Variants in XPR1 observed in about 807,000 individuals in gnomAD.
The protein encoded by XPR1 is xenotropic and polytropic retrovirus receptor 1, also known as solute carrier family 53 member 1.
In XPR1, 28 loss-of-function variants were observed where a neutral mutation model predicts 87.5. The observed-to-expected ratio is 0.32, with a 90% CI of 0.24 to 0.44. The LOEUF is 0.44. Among genes scored for constraint, XPR1 ranks in the 20% least tolerant of loss-of-function variants. XPR1 has a pLI of 1.00. For missense variants in XPR1, 559 were observed against 862.3 expected, an observed-to-expected ratio of 0.65 and a Z score of 4.41; for synonymous variants, 300 against 306.1, an observed-to-expected ratio of 0.98 and a Z score of 0.21.
At chr1:180,686,088 A>G (rs1241262104) in intron 2 of XPR1, among the ~76,000 whole-genome samples, 2 of 151,936 alleles carry the variant, frequency 1.3e-5, no homozygotes, top group Admixed American at 1.3e-4. Flanking sequence ...TAGGGTGTCA[A>G]TTTTAGATCT....
At chr1:180,648,989 T>C (rs1218049805) in intron 1 of XPR1, among the ~76,000 whole-genome samples, 2 of 152,222 alleles carry the variant, frequency 1.3e-5, no homozygotes, top group African/African-American at 4.8e-5. Context: ...GGGGGACTTA[T>C]GCACTGGGTT....
intron 2 of XPR1, among the ~76,000 whole-genome samples, chr1:180,734,234 C>T (rs1431545636): frequency 2.0e-5 from 3 of 152,126 alleles, no homozygotes; most frequent in Admixed American, 6.5e-5. Context: ...CACAGAAAGC[C>T]AACCACTGAA....
At position 180,632,035 on chromosome 1, in the gene XPR1, G is replaced by A. The variant is rs1654592756; in HGVS notation, c.-167G>A. 1 of 737,410 alleles carries A rather than the reference G, an allele frequency of 1.4e-6. No individual in the cohort carries two copies. Among genetic ancestry groups the A allele is most frequent in the Non-Finnish European group, 2.4e-6 (1 of 423,064 alleles). The allele number at this position is 737,410 out of a possible 1,614,324, so 45.7% of individuals were successfully genotyped here. ...AGGGGCGGGGCTATGGAGAGGAGGA[G>A]GAAGATGGCGGGCGGGCTGCTCTGA... On this transcript the variant is annotated 5_prime_UTR_variant, in exon 1 of 15. Coordinates refer to ENST00000367590, the MANE Select transcript of XPR1 (RefSeq NM_004736.4).
At chr1:180,801,264 C>T (rs879753153) in intron 3 of XPR1, among the ~76,000 whole-genome samples, 1 of 152,204 alleles carries the variant, frequency 6.6e-6, no homozygotes, top group Non-Finnish European at 1.5e-5. Context: ...GATGCAGGTG[C>T]TCTCCTCACT....
intron 13 of XPR1, among the ~76,000 whole-genome samples, chr1:180,878,569 T>C (rs576196164): frequency 1.3e-5 from 2 of 152,342 alleles, no homozygotes; most frequent in East Asian, 1.9e-4. Context: ...GGTGCTGTTA[T>C]CATGTCTTTT....
chr1:180,811,273 T>C (rs1650203187), intron 6 of XPR1, 134 bp from the exon 7 acceptor site: 1 of 744,824 alleles, frequency 1.3e-6, no homozygotes, highest in African/African-American at 1.8e-5. Context: ...CTGGTTCAGA[T>C]TTATAAAAAT....
Position 180,712,670 on chromosome 1 carries a change from G to A in XPR1, c.121+30259G>A, listed in dbSNP as rs891068438. On this transcript the variant is annotated intron_variant, in intron 2 of 14. Transcript: ENST00000367590. ...AAAATACAAAAATCAGCTGGGTGTGGTGGCGTGCACCTGTAGTGCCAGGTA... is the reference window on the plus strand; with the variant it reads ...AAAATACAAAAATCAGCTGGGTGTGATGGCGTGCACCTGTAGTGCCAGGTA... Among the ~76,000 whole-genome samples the A allele has an allele frequency of 1.8e-4, 28 of 152,236 alleles. No homozygotes were observed. The South Asian group carries it at 5.8e-3, about 32-fold the overall frequency.
intron 11 of XPR1, among the ~76,000 whole-genome samples, chr1:180,861,035 A>G (rs1239753052): frequency 6.6e-6 from 1 of 152,110 alleles, no homozygotes; most frequent in South Asian, 2.1e-4. Flanking sequence ...TTTCTTCAGT[A>G]ATTAGTAAAG....
chr1:180,637,734 A>G (rs1371014717), intron 1 of XPR1, among the ~76,000 whole-genome samples: 1 of 152,084 alleles, frequency 6.6e-6, no homozygotes, highest in Admixed American at 6.5e-5. Context: ...TTGTATTTTT[A>G]GTAGAGACAG....
At chr1:180,711,015 G>A (rs1173876570) in intron 2 of XPR1, among the ~76,000 whole-genome samples, 7 of 141,754 alleles carry the variant, frequency 4.9e-5, no homozygotes, top group South Asian at 4.6e-4. Flanking sequence ...CTTCTCAGAC[G>A]GGTGGCTGCC....
Position 180,890,167 on chromosome 1 carries a change from G to A in XPR1, c.*6101G>A, listed in dbSNP as rs1294475734. On this transcript the variant is annotated 3_prime_UTR_variant, in exon 15 of 15. Transcript: ENST00000367590. ...TTGTATAAAGCAAAAAGTTAATGTG[G>A]TTATGTGTTTTTAAAGAAAATAAGT... The A allele has an allele frequency of 6.6e-6, 1 of 152,134 alleles. No homozygotes were observed. Among genetic ancestry groups the A allele is most frequent in the Non-Finnish European group, 1.5e-5 (1 of 68,028 alleles). The allele number at this position is 152,134 out of a possible 1,614,324, so 9.4% of individuals were successfully genotyped here.
At chr1:180,835,098 A>G in intron 10 of XPR1, 53 bp downstream of exon 10, 1 of 1,556,076 alleles carries the variant, frequency 6.4e-7, no homozygotes, top group South Asian at 1.2e-5. Flanking sequence ...AAACCAAGAT[A>G]TATTGGGAAG....
intron 1 of XPR1, among the ~76,000 whole-genome samples, chr1:180,656,314 A>G (rs1194553342): frequency 1.7e-5 from 2 of 120,110 alleles, no homozygotes; most frequent in African/African-American, 6.9e-5. Flanking sequence ...ACTCCATTAT[A>G]TATATAATAT....
intron 1 of XPR1, among the ~76,000 whole-genome samples, chr1:180,671,406 A>C (rs990518487): frequency 5.3e-5 from 8 of 152,362 alleles, no homozygotes; most frequent in Middle Eastern, 6.8e-3. Context: ...TGACTGTATC[A>C]GATCTGTACA....
In XPR1 at chr1:180,887,319, C is replaced by T. The variant is rs938600256; in HGVS notation, c.*3253C>T. 5.9e-5 allele frequency: 9 copies of T among 152,088 alleles called. No homozygotes were observed. Among genetic ancestry groups the T allele is most frequent in the African/African-American group, 2.2e-4 (9 of 41,396 alleles). The allele number at this position is 152,088 out of a possible 1,614,324, so 9.4% of individuals were successfully genotyped here. A position where few individuals can be genotyped will look rare whatever the true frequency, so the allele number is the denominator to read the frequency against. Reference sequence around the variant, plus strand: ...AGTTTTTAATATCAATTAAAATAGTCCTCAAAGGAATGAAGAGGAAGTCTA... The same window carrying T: ...AGTTTTTAATATCAATTAAAATAGTTCTCAAAGGAATGAAGAGGAAGTCTA... On this transcript the variant is annotated 3_prime_UTR_variant, in exon 15 of 15. Transcript: ENST00000367590.
At chr1:180,822,218 G>A (rs1195371563) in intron 7 of XPR1, among the ~76,000 whole-genome samples, 1 of 152,148 alleles carries the variant, frequency 6.6e-6, no homozygotes, top group African/African-American at 2.4e-5. Context: ...CTGATCTACT[G>A]CTGACCAGTT....
chr1:180,855,679 T>TG (rs1652005043), intron 11 of XPR1, among the ~76,000 whole-genome samples: 1 of 140,926 alleles, frequency 7.1e-6, no homozygotes, highest in Admixed American at 7.0e-5. Context: ...AAAAAAAAAG[T>TG]GGGGGGAGGG....
chr1:180,806,943 G>A, intron 6 of XPR1, among the ~76,000 whole-genome samples: 1 of 152,174 alleles, frequency 6.6e-6, no homozygotes, highest in East Asian at 1.9e-4. Context: ...AATTTATTAA[G>A]TGATATCTTC....
In XPR1 at chr1:180,885,969, G is replaced by A. The variant is rs1439837732; in HGVS notation, c.*1903G>A. The A allele has an allele frequency of 6.6e-6, 1 of 152,026 alleles. No individual in the cohort carries two copies. The highest frequency in any genetic ancestry group is 6.6e-5 in the Admixed American group (1 of 15,246). The allele number at this position is 152,026 out of a possible 1,614,324, so 9.4% of individuals were successfully genotyped here. ...CCAAAATGTGTTCCCTTTTTGAATC[G>A]AGGTTTTTTTGTTTTGTTTTGTTTT... On this transcript the variant is annotated 3_prime_UTR_variant, in exon 15 of 15. Transcript: ENST00000367590.
Sources: allele counts gnomAD v4.1 joint callset (sites outside exome capture counted in the v4.1 genomes callset), GRCh38; gene constraint gnomAD v4.1.1; transcripts MANE v1.5; gene names NCBI Gene and HGNC (gene_info 2026-07-23, HGNC 2026-07-21).